Variants in MDFIC observed in about 807,000 individuals in gnomAD.
MDFIC encodes MyoD family inhibitor domain containing, also known as myoD family inhibitor domain-containing protein.
MDFIC carries 17 observed loss-of-function variants against 23.2 expected under a neutral mutation model. The observed-to-expected ratio is 0.73, with a 90% CI of 0.50 to 1.10. The LOEUF (loss-of-function observed/expected upper bound fraction) is 1.10, where lower values mean the gene tolerates loss of function less well. Ranked by LOEUF, MDFIC falls within the 50% of genes least tolerant of loss-of-function variation. MDFIC has a pLI of 0.00. For missense variants in MDFIC, 356 were observed against 316.6 expected, an observed-to-expected ratio of 1.12 and a Z score of -0.95; for synonymous variants, 120 against 115.2, an observed-to-expected ratio of 1.04 and a Z score of -0.27.
intron 3 of MDFIC, among the ~76,000 whole-genome samples, chr7:114,975,222 G>A (rs114672704): frequency 5.4e-4 from 82 of 152,172 alleles, no homozygotes; most frequent in African/African-American, 1.9e-3. Flanking sequence ...TTTAACGCAT[G>A]TGATTATGTA....
At chr7:114,988,010 G>C (rs1793543545) in intron 4 of MDFIC, among the ~76,000 whole-genome samples, 1 of 152,110 alleles carries the variant, frequency 6.6e-6, no homozygotes. Flanking sequence ...TTGAAACATA[G>C]AGATAACTCA....
rs1429838419 is a variant in MDFIC at position 114,922,609 on chromosome 7, C to T, written c.-135C>T. On this transcript the variant is annotated 5_prime_UTR_variant, in exon 1 of 5. Coordinates refer to ENST00000393486, the MANE Select transcript of MDFIC (RefSeq NM_001166345.3). ...GAGGAGGAGGAGGAGGAGGAAGGGG[C>T]TTGGAGCGACTACGGGGGGATGCGG... 1 of 1,282,252 alleles carries T rather than the reference C, an allele frequency of 7.8e-7. No individual in the cohort carries two copies. The highest frequency in any genetic ancestry group is 3.0e-5 in the South Asian group (1 of 32,818). The allele number at this position is 1,282,252 out of a possible 1,614,324, so 79.4% of individuals were successfully genotyped here.
intron 4 of MDFIC, chr7:114,980,088 A>C (rs1046868494): frequency 2.6e-6 from 1 of 384,532 alleles, no homozygotes; most frequent in African/African-American, 2.1e-5. Context: ...GATGGCATAC[A>C]TGAGTGTGTG....
In MDFIC at chr7:114,942,380, A is replaced by C; in HGVS notation, c.200A>C (p.Asp67Ala). ...QDQSIWGNPS[D>A]GELIRTQPQR... Reference sequence around the variant, plus strand: ...CAGTCCATTTGGGGAAATCCTTCGGATGGTGAACTCATTAGAAGTAAGTAT... The same window carrying C: ...CAGTCCATTTGGGGAAATCCTTCGGCTGGTGAACTCATTAGAAGTAAGTAT... The change falls in exon 3 of 5, where the codon GAT (aspartate) becomes GCT (alanine). Residue 67 changes from aspartate to alanine, a missense_variant. By Grantham distance (126) the Asp-to-Ala change is moderately radical. Coordinates refer to ENST00000393486, the MANE Select transcript of MDFIC (RefSeq NM_001166345.3). 1.2e-6 allele frequency: 2 copies of C among 1,600,712 alleles called. No homozygotes were observed. Among genetic ancestry groups the C allele is most frequent in the Non-Finnish European group, 1.7e-6 (2 of 1,174,100 alleles).
intron 3 of MDFIC, among the ~76,000 whole-genome samples, chr7:114,964,545 C>A (rs548618320): frequency 6.6e-6 from 1 of 151,092 alleles, no homozygotes; most frequent in South Asian, 2.1e-4. Context: ...CCTTCCCTTC[C>A]CTTCCCTTCG....
chr7:115,010,950 G>A (rs944267422), intron 4 of MDFIC, among the ~76,000 whole-genome samples: 5 of 152,148 alleles, frequency 3.3e-5, no homozygotes, highest in African/African-American at 1.2e-4. Flanking sequence ...TTATTAAAAT[G>A]AAAATTCAGA....
chr7:114,928,315 A>T (rs981109914), intron 2 of MDFIC, among the ~76,000 whole-genome samples: 1 of 152,186 alleles, frequency 6.6e-6, no homozygotes, highest in Non-Finnish European at 1.5e-5. Context: ...GTGAAAAAAA[A>T]AAGGTCTACG....
intron 3 of MDFIC, among the ~76,000 whole-genome samples, chr7:114,964,114 G>C (rs1174246726): frequency 1.3e-5 from 2 of 151,900 alleles, no homozygotes; most frequent in African/African-American, 4.8e-5. Flanking sequence ...TCTACTGTTG[G>C]AATACAGAAT....
chr7:115,002,209 A>G (rs1791478900), intron 4 of MDFIC, among the ~76,000 whole-genome samples: 1 of 152,198 alleles, frequency 6.6e-6, no homozygotes. Flanking sequence ...GGATTTCCTG[A>G]TGAAACATTG....
chr7:114,959,798 A>T (rs1047167265), intron 3 of MDFIC, among the ~76,000 whole-genome samples: 7 of 148,962 alleles, frequency 4.7e-5, no homozygotes, highest in African/African-American at 1.7e-4. Flanking sequence ...TAAGCCAATT[A>T]TCTTGACTCC....
intron 3 of MDFIC, among the ~76,000 whole-genome samples, chr7:114,971,759 C>G (rs1295058611): frequency 1.3e-5 from 2 of 151,732 alleles, no homozygotes; most frequent in Non-Finnish European, 2.9e-5. Flanking sequence ...GGTTTACTAT[C>G]TGGGGATGTT....
rs1202801436 is a variant in MDFIC, at chr7:115,017,647, T to A, written c.*1712T>A. 1.3e-5 allele frequency: 2 copies of A among 152,358 alleles called. No individual in the cohort carries two copies. Among genetic ancestry groups the A allele is most frequent in the East Asian group, 3.8e-4 (2 of 5,196 alleles). The allele number at this position is 152,358 out of a possible 1,614,324, so 9.4% of individuals were successfully genotyped here. Reference sequence around the variant, plus strand: ...GTCAATTACAAGAGTAATTGTATAGTTATTGAGACCTATAGTGTGTGGCTT... The same window carrying A: ...GTCAATTACAAGAGTAATTGTATAGATATTGAGACCTATAGTGTGTGGCTT... On this transcript the variant is annotated 3_prime_UTR_variant, in exon 5 of 5. Coordinates refer to ENST00000393486, the MANE Select transcript of MDFIC (RefSeq NM_001166345.3).
intron 4 of MDFIC, among the ~76,000 whole-genome samples, chr7:115,009,587 A>C (rs933951962): frequency 6.6e-6 from 1 of 152,212 alleles, no homozygotes; most frequent in African/African-American, 2.4e-5. Flanking sequence ...CATTTTAAGC[A>C]GCACAGAGTT....
intron 4 of MDFIC, among the ~76,000 whole-genome samples, chr7:114,995,387 C>T (rs1040887515): frequency 1.4e-4 from 22 of 152,158 alleles, no homozygotes; most frequent in East Asian, 3.9e-4. Flanking sequence ...CCATTGCTGG[C>T]GAGGAGCTGT....
chr7:114,979,115 G>T (rs190598597), intron 3 of MDFIC, among the ~76,000 whole-genome samples: 11 of 152,198 alleles, frequency 7.2e-5, no homozygotes, highest in Non-Finnish European at 1.6e-4. Flanking sequence ...TTTGTTATTA[G>T]TAGTAGTATT....
intron 4 of MDFIC, among the ~76,000 whole-genome samples, chr7:115,007,636 A>G (rs1325629951): frequency 5.6e-4 from 5 of 8,986 alleles, no homozygotes; most frequent in African/African-American, 8.2e-4. Flanking sequence ...GTGTGTATAT[A>G]TATATATATA....
At position 114,979,584 on chromosome 7, in the gene MDFIC, G is replaced by T; in HGVS notation, c.296G>T (p.Gly99Val). 6.2e-7 allele frequency: 1 copy of T among 1,614,074 alleles called. No individual in the cohort carries two copies. The highest frequency in any genetic ancestry group is 8.5e-7 in the Non-Finnish European group (1 of 1,179,990). ...SGEEIGKIKN[G>V]HTGLSNGNGI... ...GAGGAAATAGGCAAGATAAAGAACG[G>T]CCACACAGGTCTGAGCAATGGAAAT... The change falls in exon 4 of 5, where the codon GGC becomes GTC. Residue 99 changes from glycine to valine, a missense_variant. Transcript: ENST00000393486.
chr7:114,949,533 T>A (rs531721683), intron 3 of MDFIC, among the ~76,000 whole-genome samples: 1 of 152,226 alleles, frequency 6.6e-6, no homozygotes, highest in Non-Finnish European at 1.5e-5. Context: ...CAGATCATGT[T>A]GTTATATTGA....
At chr7:114,932,596 A>G (rs907529186) in intron 2 of MDFIC, among the ~76,000 whole-genome samples, 2 of 152,226 alleles carry the variant, frequency 1.3e-5, no homozygotes, top group Non-Finnish European at 2.9e-5. Flanking sequence ...CAGGGCTAGT[A>G]AAATGGATCT....
Sources: gnomAD v4.1 joint callset for allele counts (sites outside exome capture counted in the v4.1 genomes callset) on GRCh38, gnomAD v4.1.1 for gene constraint, MANE v1.5 for transcripts, NCBI Gene and HGNC (gene_info 2026-07-23, HGNC 2026-07-21) for gene names.